Variants in ZNF813 observed in about 807,000 individuals in gnomAD.
The protein encoded by ZNF813 is zinc finger protein 813.
ZNF813 carries 3 observed loss-of-function variants against 7.2 expected under a neutral mutation model. The ratio of observed to expected loss-of-function variants is 0.42; its 90% CI spans 0.19 to 1.08. The LOEUF (loss-of-function observed/expected upper bound fraction) is 1.08, where lower values mean the gene tolerates loss of function less well. Ranked by LOEUF, ZNF813 falls within the 50% of genes least tolerant of loss-of-function variation. The pLI is 0.30. For missense variants in ZNF813, 714 were observed against 753.3 expected, an observed-to-expected ratio of 0.95 and a Z score of 0.61; for synonymous variants, 227 against 256.3, an observed-to-expected ratio of 0.89 and a Z score of 1.09.
intron 2 of ZNF813, among the ~76,000 whole-genome samples, chr19:53,485,606 A>ATCATGATATATACATGCATG: frequency 6.6e-6 from 1 of 151,468 alleles, no homozygotes; most frequent in African/African-American, 2.4e-5. Flanking sequence ...CATGATATAT[A>ATCATGATATATACATGCATG]TCGTGATATA....
Position 53,479,534 on chromosome 19 carries a change from T to C in ZNF813, c.-73-4216T>C. ...AGGATCCAGCTGGTTGAAGAGGAGC[T>C]GGACTGTGCTCAGGAGCGCCTGGCC... On this transcript the variant is annotated intron_variant, in intron 1 of 3. Coordinates refer to ENST00000396403, the MANE Select transcript of ZNF813 (RefSeq NM_001004301.4). 2.4e-6 allele frequency: 3 copies of C among 1,269,214 alleles called. No homozygotes were observed. In the South Asian group the frequency reaches 3.6e-5, roughly 15 times the overall value. The allele number at this position is 1,269,214 out of a possible 1,614,324, so 78.6% of individuals were successfully genotyped here. A position where few individuals can be genotyped will look rare whatever the true frequency, so the allele number is the denominator to read the frequency against.
chr19:53,483,008 G>A (rs140989627), intron 1 of ZNF813, among the ~76,000 whole-genome samples: 2,489 of 152,078 alleles, frequency 0.016, 70 homozygotes, highest in African/African-American at 0.056. Context: ...CACCTCCTGG[G>A]TACAAGTGAT....
rs1365446572 is a variant in ZNF813 at position 53,490,455 on chromosome 19, C to G, written c.223C>G (p.Gln75Glu). Residue 75 changes from glutamine to glutamate, a missense_variant, in exon 4 of 4, where the codon CAA (glutamine) becomes GAA (glutamate). Coordinates refer to ENST00000396403, the MANE Select transcript of ZNF813 (RefSeq NM_001004301.4). ...NREVIHTGTLQRHESHHTGDF... is the reference protein window; with the variant it reads ...NREVIHTGTLERHESHHTGDF... ...AGAAGTGATCCACACAGGGACATTG[C>G]AAAGACATGAAAGTCATCACACTGG... is the stretch of plus-strand genomic sequence containing the variant. The G allele has an allele frequency of 1.2e-6, 2 of 1,614,056 alleles. No individual in the cohort carries two copies.
At chr19:53,474,300 G>A (rs1600108740) in intron 1 of ZNF813, among the ~76,000 whole-genome samples, 1 of 152,148 alleles carries the variant, frequency 6.6e-6, no homozygotes, top group East Asian at 1.9e-4. Flanking sequence ...AATTCTTGGG[G>A]GCCAAGTGGG....
At chr19:53,480,307 A>T (rs1401226633) in intron 1 of ZNF813, 1 of 708,658 alleles carries the variant, frequency 1.4e-6, no homozygotes, top group African/African-American at 1.7e-5. Flanking sequence ...AACCTTTGCA[A>T]ACAACATTTA....
At chr19:53,486,835 G>A (rs1414764107) in intron 3 of ZNF813, 77 bp downstream of exon 3, 54 of 1,607,008 alleles carry the variant, frequency 3.4e-5, no homozygotes, top group East Asian at 6.7e-5. Context: ...TAGATACAGT[G>A]TCTTGCTCTG....
chr19:53,473,426 G>A (rs2617694), intron 1 of ZNF813, among the ~76,000 whole-genome samples: 71,740 of 151,976 alleles, frequency 0.47, 17,628 homozygotes, highest in African/African-American at 0.61. Context: ...CAGGGCTGTC[G>A]TCCTCAGCAG....
intron 3 of ZNF813, among the ~76,000 whole-genome samples, chr19:53,488,630 G>T (rs137992398): frequency 4.3e-4 from 63 of 147,280 alleles, no homozygotes; most frequent in African/African-American, 1.5e-3. Flanking sequence ...CATGGTGTTA[G>T]CCAGGATGGT....
In ZNF813 at chr19:53,473,018, G is replaced by A. The variant is rs574507326; in HGVS notation, c.-74+5229G>A. 2.0e-5 allele frequency among the ~76,000 whole-genome samples: 3 copies of A among 152,290 alleles called. No homozygotes were observed. The South Asian group carries it at 6.2e-4, about 32-fold the overall frequency. On this transcript the variant is annotated intron_variant, in intron 1 of 3. Coordinates refer to ENST00000396403, the MANE Select transcript of ZNF813 (RefSeq NM_001004301.4). ...TGACCAGGTAGGTAGTATGTGTACA[G>A]TGGGGACACATTTCTATAGTTGCTT...
intron 1 of ZNF813, among the ~76,000 whole-genome samples, chr19:53,477,011 A>G (rs2086385300): frequency 6.6e-6 from 1 of 152,144 alleles, no homozygotes; most frequent in African/African-American, 2.4e-5. Context: ...GTGAACTGTG[A>G]CGCTTCATTG....
chr19:53,484,268 T>C (rs1034151118), intron 2 of ZNF813, among the ~76,000 whole-genome samples: 3 of 152,246 alleles, frequency 2.0e-5, no homozygotes, highest in Non-Finnish European at 4.4e-5. Context: ...GGAAATGTTT[T>C]CTGCCTGATT....
At chr19:53,468,219 G>GGCCCCCCCCCCCC (rs2086337069) in intron 1 of ZNF813, among the ~76,000 whole-genome samples, 2 of 52,962 alleles carry the variant, frequency 3.8e-5, no homozygotes, top group Non-Finnish European at 7.8e-5. Flanking sequence ...GCGCCCTCGC[G>GGCCCCCCCCCCCC]CCCCCCCCCC....
chr19:53,476,017 C>T (rs879563040), intron 1 of ZNF813, among the ~76,000 whole-genome samples: 2 of 152,082 alleles, frequency 1.3e-5, no homozygotes, highest in Non-Finnish European at 2.9e-5. Context: ...CTTGCTGCCT[C>T]TAAAAATTCC....
intron 1 of ZNF813, among the ~76,000 whole-genome samples, chr19:53,476,217 C>CAG: frequency 6.6e-6 from 1 of 152,108 alleles, no homozygotes; most frequent in Admixed American, 6.5e-5. Context: ...CTGGGTTCCC[C>CAG]GATAACAGTC....
chr19:53,469,155 G>C (rs148045075), intron 1 of ZNF813, among the ~76,000 whole-genome samples: 3,245 of 152,288 alleles, frequency 0.021, 63 homozygotes, highest in Non-Finnish European at 0.031. Context: ...ATTAAACCTT[G>C]ATTCAATACA....
At chr19:53,478,891 C>CTT (rs202191313) in intron 1 of ZNF813, among the ~76,000 whole-genome samples, 4 of 136,708 alleles carry the variant, frequency 2.9e-5, no homozygotes, top group Non-Finnish European at 4.8e-5. Flanking sequence ...CTCTTCATTG[C>CTT]TTTTTTTTTT....
chr19:53,470,165 T>TCCTTCCTTCCTTCC (rs1568825776), intron 1 of ZNF813, among the ~76,000 whole-genome samples: 1 of 68,630 alleles, frequency 1.5e-5, no homozygotes, highest in African/African-American at 6.6e-5. Flanking sequence ...TTCTTTTTCT[T>TCCTTCCTTCCTTCC]TTCTTTTCTT....
At chr19:53,488,598 T>C (rs2086444921) in intron 3 of ZNF813, among the ~76,000 whole-genome samples, 1 of 150,834 alleles carries the variant, frequency 6.6e-6, no homozygotes, top group South Asian at 2.1e-4. Context: ...TTTTTTTTTT[T>C]GTAGAGGTGG....
At chr19:53,488,314 C>T (rs1318404666) in intron 3 of ZNF813, 4 of 446,348 alleles carry the variant, frequency 9.0e-6, no homozygotes, top group South Asian at 3.2e-5. Context: ...TGAACCACCG[C>T]GCCCTGCCTG....
Sources: allele counts gnomAD v4.1 joint callset (sites outside exome capture counted in the v4.1 genomes callset), GRCh38; gene constraint gnomAD v4.1.1; transcripts MANE v1.5; gene names NCBI Gene and HGNC (gene_info 2026-07-23, HGNC 2026-07-21).